The following TTC28 variants were observed in gnomAD, a reference collection of about 807,000 sequenced individuals.
TTC28 encodes tetratricopeptide repeat domain 28.
Under a neutral mutation model 198.0 loss-of-function variants are expected in TTC28, and 61 were observed. The ratio of observed to expected loss-of-function variants is 0.31; its 90% CI spans 0.25 to 0.38. TTC28 has a LOEUF of 0.38. TTC28 is among the 10% of genes least tolerant of loss of function. The probability of loss-of-function intolerance (pLI) is 1.00; values close to 1 mark genes in which losing one functional copy is unlikely to be tolerated. For synonymous variants in TTC28, 1,171 were observed against 1,297.8 expected (o/e 0.90, Z 2.10); for missense variants, 2,678 against 3,164.0 (o/e 0.85, Z 3.69).
chr22:27,982,850 CG>C lies in TTC28; in HGVS notation c.6816del (p.Gly2273AlafsTer16). ...SPSQHSGRPSPGCDSQTSQLD... is the reference protein window; with the variant it reads ...SPSQHSGRPSXGCDSQTSQLD... Reference sequence around the variant, plus strand: ...AGCTGGGAAGTCTGTGAGTCGCAGCCGGGCGATGGCCGGCCACTGTGCTGGC... The same window carrying C: ...AGCTGGGAAGTCTGTGAGTCGCAGCCGGCGATGGCCGGCCACTGTGCTGGC... On this transcript the variant is annotated frameshift_variant, in exon 23 of 23. Coordinates refer to ENST00000397906, the MANE Select transcript of TTC28 (RefSeq NM_001145418.2). LOFTEE classifies it high-confidence loss of function. The surrounding 1 kb of genome is among the most constrained non-coding windows in gnomAD (Gnocchi z 5.2). 6.5e-7 allele frequency: 1 copy of C among 1,543,538 alleles called. No homozygotes were observed. The highest frequency in any genetic ancestry group is 8.8e-7 in the Non-Finnish European group (1 of 1,141,988).
chr22:28,496,363 T>C (rs1424090414), intron 2 of TTC28, among the ~76,000 whole-genome samples: 1 of 151,958 alleles, frequency 6.6e-6, no homozygotes, highest in Non-Finnish European at 1.5e-5. Context: ...AAGCTCCAGA[T>C]CTCTCTCAAA....
chr22:28,341,204 G>C (rs1266608273), intron 2 of TTC28, among the ~76,000 whole-genome samples: 1 of 152,168 alleles, frequency 6.6e-6, no homozygotes, highest in African/African-American at 2.4e-5. Context: ...TGGGCAATTG[G>C]AGACAAATAT....
intron 13 of TTC28, among the ~76,000 whole-genome samples, chr22:28,026,443 C>G (rs912952606): frequency 6.6e-6 from 1 of 152,150 alleles, no homozygotes; most frequent in African/African-American, 2.4e-5. Flanking sequence ...TGTGGCCGGC[C>G]CACTCCCACC....
At chr22:28,625,246 A>G (rs1235795409) in intron 2 of TTC28, among the ~76,000 whole-genome samples, 1 of 152,232 alleles carries the variant, frequency 6.6e-6, no homozygotes, top group Non-Finnish European at 1.5e-5. Flanking sequence ...AAGAAAAGGC[A>G]TACACAAAAG....
chr22:28,391,725 T>C (rs2046724615), intron 2 of TTC28, among the ~76,000 whole-genome samples: 1 of 152,230 alleles, frequency 6.6e-6, no homozygotes, highest in African/African-American at 2.4e-5. Context: ...GTATTGGTTA[T>C]TCTAGTTATA....
At chr22:28,035,609 C>T (rs909152075) in intron 12 of TTC28, among the ~76,000 whole-genome samples, 1 of 152,158 alleles carries the variant, frequency 6.6e-6, no homozygotes, top group Non-Finnish European at 1.5e-5. Flanking sequence ...TTTGCATGGG[C>T]CGGTCTGCCA....
intron 5 of TTC28, among the ~76,000 whole-genome samples, chr22:28,166,317 A>G (rs1921941482): frequency 6.6e-6 from 1 of 152,206 alleles, no homozygotes; most frequent in Admixed American, 6.5e-5. Flanking sequence ...CTCTGCACCA[A>G]GCGGACCTAA....
chr22:28,562,380 T>G (rs2049898520), intron 2 of TTC28, among the ~76,000 whole-genome samples: 1 of 152,154 alleles, frequency 6.6e-6, no homozygotes, highest in African/African-American at 2.4e-5. Context: ...TTCTGATGTG[T>G]AAAGGTGAGT....
intron 5 of TTC28, among the ~76,000 whole-genome samples, chr22:28,224,401 C>G (rs984516824): frequency 2.6e-5 from 4 of 152,146 alleles, no homozygotes; most frequent in Admixed American, 6.5e-5. Context: ...AAGGGCCGCT[C>G]TGTTCTCAAA....
rs71316851 is a variant in TTC28 at position 28,636,127 on chromosome 22, A to ATTTTTT, written c.103-6303_103-6298dup. Among the ~76,000 whole-genome samples, 196 of 65,736 alleles carry ATTTTTT rather than the reference A, an allele frequency of 3.0e-3. 48 individuals are homozygous for ATTTTTT. Among genetic ancestry groups the ATTTTTT allele is most frequent in the East Asian group, 6.9e-3 (13 of 1,872 alleles). The allele number at this position is 65,736 out of a possible 152,430, so 43.1% of individuals were successfully genotyped here. A position where few individuals can be genotyped will look rare whatever the true frequency, so the allele number is the denominator to read the frequency against. On this transcript the variant is annotated intron_variant, in intron 1 of 22. Coordinates refer to ENST00000397906, the MANE Select transcript of TTC28 (RefSeq NM_001145418.2). ...CATCCATATTGTTGCAAATGTCAGG[A>ATTTTTT]TTTTTTTTTTTTTTTTTTTTTTTTT...
intron 2 of TTC28, among the ~76,000 whole-genome samples, chr22:28,363,429 C>T (rs189405448): frequency 5.3e-5 from 8 of 152,326 alleles, no homozygotes; most frequent in African/African-American, 1.9e-4. Context: ...CAGAAGTTTG[C>T]TGCAGGGGTG....
intron 2 of TTC28, among the ~76,000 whole-genome samples, chr22:28,594,743 A>C (rs1353746466): frequency 6.6e-6 from 1 of 152,218 alleles, no homozygotes; most frequent in Non-Finnish European, 1.5e-5. Context: ...AAACTCTTGA[A>C]TACAAGATAA....
intron 14 of TTC28, among the ~76,000 whole-genome samples, chr22:28,013,173 C>T (rs938500595): frequency 1.3e-5 from 2 of 152,172 alleles, no homozygotes; most frequent in Non-Finnish European, 1.5e-5. Flanking sequence ...ATTTCTCCTC[C>T]GTCATTTGGC....
chr22:28,007,168 A>G (rs1006215125), intron 14 of TTC28: 1 of 152,190 alleles, frequency 6.6e-6, no homozygotes, highest in Non-Finnish European at 1.5e-5. Context: ...AGAACTGTGT[A>G]TAGGGCTTCA....
intron 1 of TTC28, among the ~76,000 whole-genome samples, chr22:28,641,185 G>A (rs760769533): frequency 1.1e-3 from 160 of 152,040 alleles, no homozygotes; most frequent in Non-Finnish European, 1.8e-3. Context: ...TTAGCCGGGC[G>A]TGGTGGCGCG....
intron 14 of TTC28, among the ~76,000 whole-genome samples, chr22:28,004,011 GAAAACTAAA>G (rs1601507074): frequency 6.6e-6 from 1 of 152,316 alleles, no homozygotes; most frequent in African/African-American, 2.4e-5. Flanking sequence ...GATGTACTTA[GAAAACTAAA>G]ATGCACACAA....
chr22:28,499,415 T>C (rs1215848946), intron 2 of TTC28, among the ~76,000 whole-genome samples: 3 of 152,212 alleles, frequency 2.0e-5, no homozygotes, highest in Non-Finnish European at 2.9e-5. Context: ...ACAAGTTTAT[T>C]GACTAAAGTT....
rs563063242 is a variant in TTC28, at chr22:28,447,613, C to T, written c.382-140970G>A. Among the ~76,000 whole-genome samples the T allele has an allele frequency of 2.0e-3, 308 of 152,234 alleles. 1 individual carries two copies. The highest frequency in any genetic ancestry group is 5.9e-3 in the African/African-American group (246 of 41,510). The stretch of plus-strand genomic sequence containing the variant: ...CGCATCTGTGAATCCATATGCATAC[C>T]ACACATGGCCTGTAGACTGAAGTCT... On this transcript the variant is annotated intron_variant, in intron 2 of 22. Coordinates refer to ENST00000397906, the MANE Select transcript of TTC28 (RefSeq NM_001145418.2).
chr22:28,015,734 T>C lies in TTC28; in HGVS notation c.4074-1342A>G, dbSNP rs757925648. 6.0e-4 allele frequency among the ~76,000 whole-genome samples: 91 copies of C among 151,992 alleles called. 1 individual carries two copies. Among genetic ancestry groups the C allele is most frequent in the Non-Finnish European group, 3.4e-4 (23 of 67,998 alleles). ...AGACACCACACCCCACCATCAGTGA[T>C]CTCTTAACCTCGATTTAGACACTGT... On this transcript the variant is annotated intron_variant, in intron 13 of 22. Transcript: ENST00000397906.
Sources: gnomAD v4.1 joint callset for allele counts (sites outside exome capture counted in the v4.1 genomes callset) on GRCh38, gnomAD v4.1.1 for gene constraint, Gnocchi (gnomAD v3.1) non-coding constraint, MANE v1.5 for transcripts, NCBI Gene and HGNC (gene_info 2026-07-23, HGNC 2026-07-21) for gene names.